The following TMEM26 variants were observed in gnomAD, a reference collection of about 807,000 sequenced individuals.
TMEM26 encodes transmembrane protein 26.
Under a neutral mutation model 28.8 loss-of-function variants are expected in TMEM26, and 38 were observed. That is an observed-to-expected ratio of 1.32 (90% CI 1.02 to 1.73). The LOEUF (loss-of-function observed/expected upper bound fraction) is 1.73. Among genes scored for constraint, TMEM26 ranks in the 40% most tolerant of loss-of-function variants. The pLI is 0.00. For synonymous variants in TMEM26, 227 were observed against 182.9 expected (o/e 1.24, Z -1.95); for missense variants, 518 against 447.1 (o/e 1.16, Z -1.43).
rs1258557548 is a variant in TMEM26, at chr10:61,410,602, A to G, written c.827T>C (p.Met276Thr). ...GPFLVVRLIL[M>T]TYFKVINQML... ...CTGATTGATCACTTTGAAATAGGTC[A>G]TCAGTATGAGACGCACGACAAGGAA... Residue 276 changes from methionine (M) to threonine (T), a missense_variant, in exon 6 of 6, where the codon ATG becomes ACG. Transcript: ENST00000399298. The G allele has an allele frequency of 6.2e-7, 1 of 1,614,160 alleles. No homozygotes were observed. Among genetic ancestry groups the G allele is most frequent in the East Asian group, 2.2e-5 (1 of 44,858 alleles).
chr10:61,443,333 C>T (rs113924271), intron 1 of TMEM26, among the ~76,000 whole-genome samples: 81 of 150,564 alleles, frequency 5.4e-4, no homozygotes, highest in African/African-American at 1.9e-3. Context: ...GTTGTGGCGG[C>T]GTGCGCCTGT....
Position 61,436,220 on chromosome 10 carries a change from T to A in TMEM26, c.220A>T (p.Ile74Phe). 1 of 1,606,582 alleles carries A rather than the reference T, an allele frequency of 6.2e-7. No homozygotes were observed. The part of the protein sequence containing the change: ...WFSPAIFLYL[I>F]SIVPSLWLLE... ...AGCCATAATGATGGAACGATGCTAATCAGATATAAAAATATGGCTGGTGAA... is the reference window on the plus strand; with the variant it reads ...AGCCATAATGATGGAACGATGCTAAACAGATATAAAAATATGGCTGGTGAA... Residue 74 changes from isoleucine to phenylalanine, a missense_variant, in exon 2 of 6, where the codon ATT (isoleucine) becomes TTT (phenylalanine). Coordinates refer to ENST00000399298, the MANE Select transcript of TMEM26 (RefSeq NM_178505.8).
intron 2 of TMEM26, among the ~76,000 whole-genome samples, chr10:61,433,364 C>A (rs1311392096): frequency 6.6e-6 from 1 of 152,116 alleles, no homozygotes; most frequent in East Asian, 1.9e-4. Flanking sequence ...TGTTTACATT[C>A]TGCCTCGTAT....
At chr10:61,443,416 G>A (rs1312329728) in intron 1 of TMEM26, among the ~76,000 whole-genome samples, 2 of 151,606 alleles carry the variant, frequency 1.3e-5, no homozygotes, top group African/African-American at 4.9e-5. Context: ...AGTGAGCGGA[G>A]ATTGGGTCAC....
At position 61,431,345 on chromosome 10, in the gene TMEM26, T is replaced by A; in HGVS notation, c.271-13A>T. 6.2e-7 allele frequency: 1 copy of A among 1,608,088 alleles called. No individual in the cohort carries two copies. Among genetic ancestry groups the A allele is most frequent in the Non-Finnish European group, 8.5e-7 (1 of 1,175,108 alleles). On this transcript the variant is annotated splice_polypyrimidine_tract_variant and intron_variant, in intron 2 of 5. Coordinates refer to ENST00000399298, the MANE Select transcript of TMEM26 (RefSeq NM_178505.8). ...GGATACTGCAATACTAAGAATGGGG[T>A]CAGGGAAGGCAATTATGGCAAAAAA... is the stretch of plus-strand genomic sequence containing the variant.
chr10:61,445,016 T>C (rs1204380127), intron 1 of TMEM26, among the ~76,000 whole-genome samples: 1 of 152,204 alleles, frequency 6.6e-6, no homozygotes, highest in Non-Finnish European at 1.5e-5. Context: ...GTTGTGACCT[T>C]GGATAAATGA....
chr10:61,412,117 G>T (rs1289102476), intron 5 of TMEM26, among the ~76,000 whole-genome samples: 2 of 152,118 alleles, frequency 1.3e-5, no homozygotes, highest in African/African-American at 4.8e-5. Flanking sequence ...TGAGGGCCAG[G>T]AAATGGCTCC....
At chr10:61,413,395 T>C in intron 5 of TMEM26, 64 bp downstream of exon 5, 1 of 1,584,284 alleles carries the variant, frequency 6.3e-7, no homozygotes, top group South Asian at 1.2e-5. Flanking sequence ...TTCTTAGTTT[T>C]AGCATAGTTA....
intron 1 of TMEM26, among the ~76,000 whole-genome samples, chr10:61,449,227 AT>A (rs1431607279): frequency 6.6e-6 from 1 of 152,064 alleles, no homozygotes; most frequent in African/African-American, 2.4e-5. Flanking sequence ...CACCCTCTCT[AT>A]TCTATAGGAT....
At chr10:61,451,986 G>GATATATATATAT (rs10555555) in intron 1 of TMEM26, among the ~76,000 whole-genome samples, 37 of 148,812 alleles carry the variant, frequency 2.5e-4, no homozygotes, top group Non-Finnish European at 9.0e-5. Flanking sequence ...TTAATGTATT[G>GATATATATATAT]ATATATATAT....
intron 1 of TMEM26, among the ~76,000 whole-genome samples, chr10:61,448,481 A>C (rs1840222853): frequency 6.6e-6 from 1 of 152,250 alleles, no homozygotes; most frequent in African/African-American, 2.4e-5. Context: ...AAATGGGACT[A>C]TCTGTGTGGA....
intron 4 of TMEM26, among the ~76,000 whole-genome samples, 197 bp downstream of exon 4, chr10:61,428,729 C>T (rs916651062): frequency 2.0e-5 from 3 of 152,192 alleles, no homozygotes; most frequent in South Asian, 4.2e-4. Flanking sequence ...CAGAAATCTC[C>T]TTTGTGTATT....
In TMEM26 at chr10:61,452,288, T is replaced by C. The variant is rs184949400; in HGVS notation, c.191+603A>G. 4.8e-3 allele frequency among the ~76,000 whole-genome samples: 732 copies of C among 152,328 alleles called. 3 individuals carry two copies. Among genetic ancestry groups the C allele is most frequent in the Non-Finnish European group, 8.6e-3 (582 of 68,020 alleles). ...GTTCCTTGCAAGATAGGCAGGCCGT[T>C]AGCCAAGCCCCAAAGCCAGCAAACC... On this transcript the variant is annotated intron_variant, in intron 1 of 5. Coordinates refer to ENST00000399298, the MANE Select transcript of TMEM26 (RefSeq NM_178505.8).
chr10:61,418,412 ACTGG>A (rs1215962962), intron 4 of TMEM26, among the ~76,000 whole-genome samples: 4 of 151,996 alleles, frequency 2.6e-5, no homozygotes, highest in Admixed American at 6.6e-5. Flanking sequence ...TGGTTTGCAA[ACTGG>A]CAAGAGGCTG....
At chr10:61,444,230 T>C (rs1840141147) in intron 1 of TMEM26, among the ~76,000 whole-genome samples, 1 of 152,218 alleles carries the variant, frequency 6.6e-6, no homozygotes, top group South Asian at 2.1e-4. Context: ...TAACTATACA[T>C]ATTTTCTATT....
At chr10:61,428,896 C>T in intron 4 of TMEM26, 30 bp downstream of exon 4, 1 of 1,596,974 alleles carries the variant, frequency 6.3e-7, no homozygotes, top group Non-Finnish European at 8.6e-7. Flanking sequence ...ACCCTGAAAA[C>T]AAGGTGTTTT....
At position 61,408,464 on chromosome 10, in the gene TMEM26, A is replaced by G. The variant is rs947531506; in HGVS notation, c.*1858T>C. 3 of 152,234 alleles carry G rather than the reference A, an allele frequency of 2.0e-5. No individual in the cohort carries two copies. The highest frequency in any genetic ancestry group is 7.2e-5 in the African/African-American group (3 of 41,460). The allele number at this position is 152,234 out of a possible 1,614,324, so 9.4% of individuals were successfully genotyped here. A position where few individuals can be genotyped will look rare whatever the true frequency, so the allele number is the denominator to read the frequency against. Reference sequence around the variant, plus strand: ...TTTATTTTGCTGGAAGAAAAAAATTAAAACATGAAAAGTATGCCATGAGCA... The same window carrying G: ...TTTATTTTGCTGGAAGAAAAAAATTGAAACATGAAAAGTATGCCATGAGCA... On this transcript the variant is annotated 3_prime_UTR_variant, in exon 6 of 6. Transcript: ENST00000399298.
At chr10:61,445,072 A>C (rs1840157208) in intron 1 of TMEM26, among the ~76,000 whole-genome samples, 1 of 152,276 alleles carries the variant, frequency 6.6e-6, no homozygotes, top group South Asian at 2.1e-4. Flanking sequence ...AATGGTAATT[A>C]AGATGGCAAC....
At chr10:61,434,781 T>C (rs1372316497) in intron 2 of TMEM26, among the ~76,000 whole-genome samples, 1 of 152,226 alleles carries the variant, frequency 6.6e-6, no homozygotes, top group Non-Finnish European at 1.5e-5. Context: ...TTCCCCTTTG[T>C]GTGCCTATAA....
Sources: allele counts gnomAD v4.1 joint callset (sites outside exome capture counted in the v4.1 genomes callset), GRCh38; gene constraint gnomAD v4.1.1; transcripts MANE v1.5; gene names NCBI Gene and HGNC (gene_info 2026-07-23, HGNC 2026-07-21).